Variants in ZNF141 observed in about 807,000 individuals in gnomAD.
The protein encoded by ZNF141 is zinc finger protein 141, also known as zinc finger protein 141 (clone pHZ-44).
In ZNF141, 7 loss-of-function variants were observed where a neutral mutation model predicts 11.3. That is an observed-to-expected ratio of 0.62 (90% CI 0.35 to 1.16). The LOEUF is 1.16. Among genes scored for constraint, ZNF141 ranks in the 50% most tolerant of loss-of-function variants. The pLI is 0.02. For synonymous variants in ZNF141, 183 were observed against 190.7 expected, an observed-to-expected ratio of 0.96 and a Z score of 0.33; for missense variants, 535 against 554.0, an observed-to-expected ratio of 0.97 and a Z score of 0.34.
At chr4:346,228 G>A (rs1464908324) in intron 3 of ZNF141, among the ~76,000 whole-genome samples, 2 of 152,128 alleles carry the variant, frequency 1.3e-5, no homozygotes, top group Admixed American at 6.6e-5. Flanking sequence ...ATGGCATATA[G>A]CAACATTATT....
At position 370,337 on chromosome 4, in the gene ZNF141, CA is replaced by C. The variant is rs1304770432; in HGVS notation, c.227-2326del. Among the ~76,000 whole-genome samples, 6 of 152,050 alleles carry C rather than the reference CA, an allele frequency of 3.9e-5. No individual in the cohort carries two copies. The East Asian group carries it at 1.2e-3, about 29-fold the overall frequency. On this transcript the variant is annotated intron_variant, in intron 3 of 3. Transcript: ENST00000240499. ...TTCAGAAAGTTATGTATTTTCATAT[CA>C]TCATATTTTTTTTCTTGCATCCTGT...
chr4:383,394 C>T lies in ZNF141; in HGVS notation c.*9532C>T, dbSNP rs59557843. ...AGACAGGATCTCAGGACAGATTGATCACAAATAACCTGCAAATGCTTGCCA... is the reference window on the plus strand; with the variant it reads ...AGACAGGATCTCAGGACAGATTGATTACAAATAACCTGCAAATGCTTGCCA... On this transcript the variant is annotated 3_prime_UTR_variant, in exon 4 of 4. Coordinates refer to ENST00000240499, the MANE Select transcript of ZNF141 (RefSeq NM_003441.4). 63,157 of 411,924 alleles carry T rather than the reference C, an allele frequency of 0.15. 6,132 individuals are homozygous for T. Among genetic ancestry groups the T allele is most frequent in the African/African-American group, 0.35 (17,297 of 48,986 alleles). 25.5% of individuals were successfully genotyped at this position (411,924 alleles called of 1,614,324 possible).
chr4:379,078 C>T lies in ZNF141; in HGVS notation c.*5216C>T, dbSNP rs181646831. 7.0e-4 allele frequency among the ~76,000 whole-genome samples: 106 copies of T among 151,740 alleles called. No homozygotes were observed. The highest frequency in any genetic ancestry group is 2.4e-3 in the African/African-American group (98 of 41,390). On this transcript the variant is annotated 3_prime_UTR_variant, in exon 4 of 4. Transcript: ENST00000240499. Reference sequence around the variant, plus strand: ...CAGGCTGGTCTCGAGCTCCTGTCCTCGTGATCCACGCACGTCAGCCTCCCA... The same window carrying T: ...CAGGCTGGTCTCGAGCTCCTGTCCTTGTGATCCACGCACGTCAGCCTCCCA...
chr4:357,305 T>C (rs563904586), intron 3 of ZNF141, among the ~76,000 whole-genome samples: 4 of 152,088 alleles, frequency 2.6e-5, no homozygotes, highest in African/African-American at 9.6e-5. Context: ...ATTTTATTTA[T>C]GTATTTATTT....
At position 384,361 on chromosome 4, in the gene ZNF141, G is replaced by T. The variant is rs1401256307; in HGVS notation, c.*10499G>T. On this transcript the variant is annotated 3_prime_UTR_variant, in exon 4 of 4. Coordinates refer to ENST00000240499, the MANE Select transcript of ZNF141 (RefSeq NM_003441.4). The stretch of plus-strand genomic sequence containing the variant: ...CCCCTGAGAAAGGAGGCAGAGGCTG[G>T]TTAGGAAGATAGGGAGGGAAGGTCT... 1 of 152,298 alleles carries T rather than the reference G, an allele frequency of 6.6e-6. No individual in the cohort carries two copies. Among genetic ancestry groups the T allele is most frequent in the Non-Finnish European group, 1.5e-5 (1 of 68,142 alleles). The allele number at this position is 152,298 out of a possible 1,614,324, so 9.4% of individuals were successfully genotyped here. A position where few individuals can be genotyped will look rare whatever the true frequency, so the allele number is the denominator to read the frequency against.
chr4:345,992 G>T (rs1482846919), intron 3 of ZNF141, among the ~76,000 whole-genome samples: 16 of 152,130 alleles, frequency 1.1e-4, no homozygotes, highest in African/African-American at 3.9e-4. Context: ...TTTTGTCTTA[G>T]TAGGAAGTCT....
rs1181241758 is a variant in ZNF141 at position 374,504 on chromosome 4, T to A, written c.*642T>A. 1.3e-5 allele frequency: 3 copies of A among 232,698 alleles called. No individual in the cohort carries two copies. Among genetic ancestry groups the A allele is most frequent in the Non-Finnish European group, 1.8e-5 (2 of 109,468 alleles). 14.4% of individuals were successfully genotyped at this position (232,698 alleles called of 1,614,324 possible). A position where few individuals can be genotyped will look rare whatever the true frequency, so the allele number is the denominator to read the frequency against. ...CCTTCAATAGGTTCTCAACCCTTAC[T>A]GTGCACAAGATAATTCATTCTGGGG... On this transcript the variant is annotated 3_prime_UTR_variant, in exon 4 of 4. Coordinates refer to ENST00000240499, the MANE Select transcript of ZNF141 (RefSeq NM_003441.4).
At chr4:345,453 G>T (rs1465219720) in intron 3 of ZNF141, among the ~76,000 whole-genome samples, 2 of 152,112 alleles carry the variant, frequency 1.3e-5, no homozygotes, top group Non-Finnish European at 2.9e-5. Flanking sequence ...AAGAAGAATT[G>T]TCTTGGGCCA....
At chr4:364,898 T>G (rs909624511) in intron 3 of ZNF141, among the ~76,000 whole-genome samples, 1 of 152,234 alleles carries the variant, frequency 6.6e-6, no homozygotes, top group South Asian at 2.1e-4. Flanking sequence ...CTGCAGAAGT[T>G]TCTGCTGCCT....
intron 3 of ZNF141, chr4:350,134 A>C (rs782490722): frequency 7.5e-6 from 4 of 533,876 alleles, no homozygotes; most frequent in Non-Finnish European, 1.5e-5. Context: ...AATTTGAGAG[A>C]GGTTACAGAA....
chr4:347,340 T>G (rs1233530247), intron 3 of ZNF141, among the ~76,000 whole-genome samples: 2 of 65,988 alleles, frequency 3.0e-5, no homozygotes, highest in African/African-American at 5.7e-5. Flanking sequence ...CCCGGCCAAG[T>G]TTTTTTTTTT....
intron 3 of ZNF141, among the ~76,000 whole-genome samples, chr4:349,700 A>G (rs555424559): frequency 6.6e-6 from 1 of 152,186 alleles, no homozygotes; most frequent in Non-Finnish European, 1.5e-5. Context: ...CTGGGTCACA[A>G]GGGTGCTGCT....
At chr4:344,214 T>A (rs1329176820) in intron 2 of ZNF141, 121 bp from the exon 3 acceptor site, 5 of 1,035,728 alleles carry the variant, frequency 4.8e-6, no homozygotes, top group Admixed American at 2.7e-5. Flanking sequence ...CAGGAAACAA[T>A]TTTTGGATTA....
intron 3 of ZNF141, among the ~76,000 whole-genome samples, chr4:357,328 C>T (rs1409437239): frequency 2.6e-5 from 4 of 151,694 alleles, no homozygotes; most frequent in Non-Finnish European, 5.9e-5. Flanking sequence ...GAGACAGCGT[C>T]CTGCTATATT....
chr4:338,257 G>A (rs1445155138), intron 1 of ZNF141: 12 of 416,122 alleles, frequency 2.9e-5, no homozygotes, highest in Non-Finnish European at 4.8e-5. Context: ...GAAGCCGCCC[G>A]CGCGGCGTGC....
At chr4:356,313 ACTT>A (rs1229132950) in intron 3 of ZNF141, among the ~76,000 whole-genome samples, 39 of 151,510 alleles carry the variant, frequency 2.6e-4, no homozygotes, top group Admixed American at 2.0e-4. Context: ...TAAAGGCCTC[ACTT>A]CTTATTTGTT....
chr4:355,685 C>G (rs1485194561), intron 3 of ZNF141, among the ~76,000 whole-genome samples: 3 of 152,132 alleles, frequency 2.0e-5, no homozygotes, highest in Non-Finnish European at 4.4e-5. Flanking sequence ...AAAATCGATT[C>G]AGACATTCTG....
chr4:350,359 A>C (rs911759280), intron 3 of ZNF141: 3 of 363,242 alleles, frequency 8.3e-6, no homozygotes, highest in Non-Finnish European at 1.7e-5. Flanking sequence ...TATTGTATAA[A>C]AATGGAATCA....
At chr4:365,898 CT>C (rs1711720670) in intron 3 of ZNF141, among the ~76,000 whole-genome samples, 1 of 152,184 alleles carries the variant, frequency 6.6e-6, no homozygotes, top group Non-Finnish European at 1.5e-5. Context: ...AAAAGACTGT[CT>C]TTTTCCAAAT....
Sources: gnomAD v4.1 joint callset for allele counts (sites outside exome capture counted in the v4.1 genomes callset) on GRCh38, gnomAD v4.1.1 for gene constraint, MANE v1.5 for transcripts, NCBI Gene and HGNC (gene_info 2026-07-23, HGNC 2026-07-21) for gene names.